The following ZNF211 variants were observed in gnomAD, a reference collection of about 807,000 sequenced individuals.
ZNF211 encodes the protein zinc finger protein C2H2-25.
Under a neutral mutation model 12.1 loss-of-function variants are expected in ZNF211, and 18 were observed. The observed-to-expected ratio is 1.48, with a 90% CI of 1.03 to 2.20. The LOEUF is 2.20. Ranked by LOEUF, ZNF211 falls within the 30% of genes most tolerant of loss-of-function variation. The probability of loss-of-function intolerance (pLI) is 0.00; values close to 1 mark genes in which losing one functional copy is unlikely to be tolerated. For synonymous variants in ZNF211, 249 were observed against 246.0 expected, an observed-to-expected ratio of 1.01 and a Z score of -0.11; for missense variants, 677 against 703.1, an observed-to-expected ratio of 0.96 and a Z score of 0.42.
intron 2 of ZNF211, 32 bp downstream of exon 2, chr19:57,634,093 C>T: frequency 2.0e-6 from 3 of 1,535,636 alleles, no homozygotes; most frequent in Non-Finnish European, 2.6e-6. Context: ...CCTCACTGGT[C>T]TGGAATGTCC....
Position 57,642,924 on chromosome 19 carries a change from T to G in ZNF211, c.*743T>G, listed in dbSNP as rs1983151307. On this transcript the variant is annotated 3_prime_UTR_variant, in exon 4 of 4. Coordinates refer to ENST00000240731, the MANE Select transcript of ZNF211 (RefSeq NM_006385.5). ...GAAAAATACAACTGTCTTTCCAGCT[T>G]TGGCCTAATCTGAATTTGAATTATT... is the stretch of plus-strand genomic sequence containing the variant. The G allele has an allele frequency of 6.6e-6, 1 of 152,166 alleles. No homozygotes were observed. Among genetic ancestry groups the G allele is most frequent in the Non-Finnish European group, 1.5e-5 (1 of 68,050 alleles). The allele number at this position is 152,166 out of a possible 1,614,324, so 9.4% of individuals were successfully genotyped here. A position where few individuals can be genotyped will look rare whatever the true frequency, so the allele number is the denominator to read the frequency against.
Position 57,641,978 on chromosome 19 carries a change from A to G in ZNF211, c.1531A>G (p.Lys511Glu). The change falls in exon 4 of 4, where the codon AAA (lysine) becomes GAA (glutamate). Residue 511 changes from lysine to glutamate, a missense_variant. Physicochemically the swap from Lys to Glu is moderately conservative, Grantham distance 56. Transcript: ENST00000240731. ...CTTTAGCTGTAAATCTAACCTCATT[A>G]AACACCTGAGAGTTCACACTGGAGA... ...KSFSCKSNLI[K>E]HLRVHTGERP... is the part of the protein sequence containing the mutation. 1 of 1,613,126 alleles carries G rather than the reference A, an allele frequency of 6.2e-7. No homozygotes were observed. Among genetic ancestry groups the G allele is most frequent in the Non-Finnish European group, 8.5e-7 (1 of 1,179,758 alleles).
Position 57,643,758 on chromosome 19 carries a change from C to A in ZNF211, c.*1577C>A, listed in dbSNP as rs1217932606. On this transcript the variant is annotated 3_prime_UTR_variant, in exon 4 of 4. Transcript: ENST00000240731. ...GGCCTTTTTCTAAGCTCTCCCTCCCCTCTCTGGCCCTCAAGGCAACCATTG... is the reference window on the plus strand; with the variant it reads ...GGCCTTTTTCTAAGCTCTCCCTCCCATCTCTGGCCCTCAAGGCAACCATTG... Among the ~76,000 whole-genome samples, 1 of 152,210 alleles carries A rather than the reference C, an allele frequency of 6.6e-6. No homozygotes were observed. Among genetic ancestry groups the A allele is most frequent in the Non-Finnish European group, 1.5e-5 (1 of 68,026 alleles).
chr19:57,640,145 C>T, intron 3 of ZNF211: 1 of 1,428,556 alleles, frequency 7.0e-7, no homozygotes. Flanking sequence ...TTCACTTCGA[C>T]CTTCCCCTCT....
Position 57,634,735 on chromosome 19 carries a change from T to A in ZNF211, c.236T>A (p.Phe79Tyr). 6.2e-7 allele frequency: 1 copy of A among 1,602,700 alleles called. No homozygotes were observed. Among genetic ancestry groups the A allele is most frequent in the Non-Finnish European group, 8.5e-7 (1 of 1,173,658 alleles). Residue 79 changes from phenylalanine to tyrosine, a missense_variant, in exon 3 of 4, where the codon TTT (phenylalanine) becomes TAT (tyrosine). Coordinates refer to ENST00000240731, the MANE Select transcript of ZNF211 (RefSeq NM_006385.5). ...HLYFDVMLEN[F>Y]ALTSSLGCWC... ...TACTTCGATGTGATGCTGGAGAACT[T>A]TGCACTTACGTCCTCCCTGGGTAAG...
chr19:57,634,148 A>T (rs1216332439), intron 2 of ZNF211, 87 bp downstream of exon 2: 2 of 1,405,900 alleles, frequency 1.4e-6, no homozygotes, highest in Non-Finnish European at 1.9e-6. Flanking sequence ...TTGTGGTGTC[A>T]TGGGACTCAC....
Position 57,642,339 on chromosome 19 carries a change from C to A in ZNF211, c.*158C>A. ...GGTATGTGTTACACTTTCTAACATG[C>A]CATTTAGAAAGTGTTAGACTTTCTC... On this transcript the variant is annotated 3_prime_UTR_variant, in exon 4 of 4. Transcript: ENST00000240731. The A allele has an allele frequency of 1.2e-6, 1 of 806,332 alleles. No individual in the cohort carries two copies. Among genetic ancestry groups the A allele is most frequent in the Non-Finnish European group, 1.9e-6 (1 of 528,580 alleles). The allele number at this position is 806,332 out of a possible 1,614,324, so 49.9% of individuals were successfully genotyped here.
intron 3 of ZNF211, among the ~76,000 whole-genome samples, chr19:57,638,807 TCTAA>T (rs1429478012): frequency 1.3e-5 from 2 of 152,232 alleles, no homozygotes; most frequent in Non-Finnish European, 2.9e-5. Flanking sequence ...TATTGATGTC[TCTAA>T]CTGTTATTGT....
Position 57,642,279 on chromosome 19 carries a change from A to G in ZNF211, c.*98A>G. 7.5e-7 allele frequency: 1 copy of G among 1,332,418 alleles called. No homozygotes were observed. Among genetic ancestry groups the G allele is most frequent in the Non-Finnish European group, 1.0e-6 (1 of 983,016 alleles). The allele number at this position is 1,332,418 out of a possible 1,614,324, so 82.5% of individuals were successfully genotyped here. On this transcript the variant is annotated 3_prime_UTR_variant, in exon 4 of 4. Coordinates refer to ENST00000240731, the MANE Select transcript of ZNF211 (RefSeq NM_006385.5). ...CCTGATTTGGAAGCCCCAACATCTA[A>G]GGATATACAGTGGGCGGATTCCCCT...
intron 3 of ZNF211, among the ~76,000 whole-genome samples, chr19:57,635,377 T>G (rs1243527679): frequency 2.0e-5 from 3 of 152,202 alleles, no homozygotes; most frequent in Non-Finnish European, 4.4e-5. Context: ...CTTATAAAAC[T>G]GAAACTTTGT....
intron 3 of ZNF211, among the ~76,000 whole-genome samples, chr19:57,639,354 AC>A (rs1982551631): frequency 7.2e-5 from 3 of 41,612 alleles, no homozygotes; most frequent in African/African-American, 1.1e-4. Context: ...TGTTTGGCTC[AC>A]TTTTTTTTTT....
Position 57,641,244 on chromosome 19 carries a change from G to A in ZNF211, c.797G>A (p.Arg266Lys), listed in dbSNP as rs1289164385. 6.2e-7 allele frequency: 1 copy of A among 1,614,244 alleles called. No homozygotes were observed. ...GTTCAGGACCAGAGAATCCTCACTAGAGAAGGACTTTTTGAGTGCAGTAAA... is the reference window on the plus strand; with the variant it reads ...GTTCAGGACCAGAGAATCCTCACTAAAGAAGGACTTTTTGAGTGCAGTAAA... ...TLVQDQRILT[R>K]EGLFECSKCG... Residue 266 changes from arginine (R) to lysine (K), a missense_variant, in exon 4 of 4, where the codon AGA (arginine) becomes AAA (lysine). Physicochemically the swap from Arg to Lys is conservative, Grantham distance 26. Coordinates refer to ENST00000240731, the MANE Select transcript of ZNF211 (RefSeq NM_006385.5).
chr19:57,634,072 G>C lies in ZNF211; in HGVS notation c.129+11G>C. 1 of 1,563,496 alleles carries C rather than the reference G, an allele frequency of 6.4e-7. No individual in the cohort carries two copies. The highest frequency in any genetic ancestry group is 8.6e-7 in the Non-Finnish European group (1 of 1,159,164). On this transcript the variant is annotated intron_variant, in intron 2 of 3. Transcript: ENST00000240731. ...TTCAAACTTACACAGGTAAGTGGAG[G>C]TATCTCAGCCCCTCACTGGTCTGGA...
chr19:57,639,120 C>T (rs904736592), intron 3 of ZNF211, among the ~76,000 whole-genome samples: 1 of 152,008 alleles, frequency 6.6e-6, no homozygotes, highest in Non-Finnish European at 1.5e-5. Flanking sequence ...CTCTTGTAGA[C>T]ATCATAAAGT....
In ZNF211 at chr19:57,641,463, A is replaced by G; in HGVS notation, c.1016A>G (p.Tyr339Cys). 1 of 1,610,702 alleles carries G rather than the reference A, an allele frequency of 6.2e-7. No homozygotes were observed. Among genetic ancestry groups the G allele is most frequent in the Admixed American group, 1.7e-5 (1 of 59,868 alleles). The change falls in exon 4 of 4, where the codon TAC (tyrosine) becomes TGC (cysteine). Residue 339 changes from tyrosine (Y) to cysteine (C), a missense_variant. Physicochemically the swap from Tyr to Cys is radical, Grantham distance 194 (BLOSUM62 -2). Coordinates refer to ENST00000240731, the MANE Select transcript of ZNF211 (RefSeq NM_006385.5). Reference protein sequence around the residue: ...PECGKSFSQIYSLNSHRKVHT... With the variant: ...PECGKSFSQICSLNSHRKVHT... ...TGTGGGAAATCGTTTAGTCAGATAT[A>G]CAGCCTCAATAGCCATAGGAAAGTT...
intron 3 of ZNF211, among the ~76,000 whole-genome samples, chr19:57,639,209 C>T (rs1940669916): frequency 6.6e-6 from 1 of 151,790 alleles, no homozygotes. Context: ...AAGTTGGGAG[C>T]ATTTAAGGCA....
intron 3 of ZNF211, among the ~76,000 whole-genome samples, chr19:57,639,408 CTTTTTTTTTTTTTTTTTT>C (rs55696059): frequency 9.6e-5 from 2 of 20,758 alleles, no homozygotes; most frequent in Non-Finnish European, 1.8e-4. Flanking sequence ...CCTTTATGTA[CTTTTTTTTTTTTTTTTTT>C]TTTTTTTTTT....
Position 57,640,725 on chromosome 19 carries a change from A to G in ZNF211, c.278A>G (p.His93Arg). The G allele has an allele frequency of 1.2e-6, 2 of 1,614,106 alleles. No homozygotes were observed. Among genetic ancestry groups the G allele is most frequent in the Non-Finnish European group, 1.7e-6 (2 of 1,179,926 alleles). ...TTAGGTTGTTGGTGTGGAGTGGAAC[A>G]TGAGGAAACACCTTCTGAACAGAGA... ...SSLGCWCGVEHEETPSEQRIS... is the reference protein window; with the variant it reads ...SSLGCWCGVEREETPSEQRIS... The change falls in exon 4 of 4, where the codon CAT becomes CGT. Residue 93 changes from histidine (H) to arginine (R), a missense_variant. Physicochemically the swap from His to Arg is conservative, Grantham distance 29. Transcript: ENST00000240731.
Position 57,634,064 on chromosome 19 carries a change from A to T in ZNF211, c.129+3A>T, listed in dbSNP as rs1292529455. 6.4e-7 allele frequency: 1 copy of T among 1,569,650 alleles called. No individual in the cohort carries two copies. Among genetic ancestry groups the T allele is most frequent in the Non-Finnish European group, 8.6e-7 (1 of 1,161,774 alleles). ...AGGTGCTTTTCAAACTTACACAGGT[A>T]AGTGGAGGTATCTCAGCCCCTCACT... On this transcript the variant is annotated splice_donor_region_variant and intron_variant, in intron 2 of 3. Coordinates refer to ENST00000240731, the MANE Select transcript of ZNF211 (RefSeq NM_006385.5).
Sources: allele counts gnomAD v4.1 joint callset (sites outside exome capture counted in the v4.1 genomes callset), GRCh38; gene constraint gnomAD v4.1.1; transcripts MANE v1.5; gene names NCBI Gene and HGNC (gene_info 2026-07-23, HGNC 2026-07-21).